The following SGCZ variants were observed in gnomAD, a reference collection of about 807,000 sequenced individuals.
The protein encoded by SGCZ is zeta-sarcoglycan.
SGCZ carries 40 observed loss-of-function variants against 41.3 expected under a neutral mutation model. The ratio of observed to expected loss-of-function variants is 0.97; its 90% CI spans 0.75 to 1.26. The LOEUF is 1.26. Among genes scored for constraint, SGCZ ranks in the 50% most tolerant of loss-of-function variants. The pLI is 0.00. For missense variants in SGCZ, 552 were observed against 369.8 expected, an observed-to-expected ratio of 1.49 and a Z score of -4.04; for synonymous variants, 206 against 137.5, an observed-to-expected ratio of 1.50 and a Z score of -3.49.
intron 1 of SGCZ, among the ~76,000 whole-genome samples, chr8:14,557,878 G>A (rs547640708): frequency 1.3e-5 from 2 of 152,206 alleles, no homozygotes; most frequent in African/African-American, 4.8e-5. Context: ...GAAACACAAA[G>A]CTGGTTCTTT....
intron 3 of SGCZ, chr8:14,308,916 T>C (rs1035668430): frequency 2.1e-6 from 1 of 486,542 alleles, no homozygotes; most frequent in African/African-American, 1.9e-5. Flanking sequence ...TTTTCTTAAT[T>C]TGAAATCCAG....
At chr8:14,130,225 AAC>A (rs975142000) in intron 5 of SGCZ, among the ~76,000 whole-genome samples, 1 of 152,254 alleles carries the variant, frequency 6.6e-6, no homozygotes, top group East Asian at 1.9e-4. Flanking sequence ...CATGTATATA[AAC>A]ACACACACGC....
intron 1 of SGCZ, among the ~76,000 whole-genome samples, chr8:14,848,833 G>C (rs1380047673): frequency 6.6e-6 from 1 of 151,996 alleles, no homozygotes; most frequent in Admixed American, 6.6e-5. Context: ...AAGGACAAAA[G>C]GATAAAATGG....
intron 1 of SGCZ, among the ~76,000 whole-genome samples, chr8:15,132,913 G>A (rs540219381): frequency 1.3e-5 from 2 of 152,264 alleles, no homozygotes; most frequent in Non-Finnish European, 2.9e-5. Flanking sequence ...ATCCAAGGTG[G>A]GTGGACTGCA....
chr8:15,053,524 G>C (rs1804595388), intron 1 of SGCZ, among the ~76,000 whole-genome samples: 2 of 152,070 alleles, frequency 1.3e-5, no homozygotes, highest in Non-Finnish European at 1.5e-5. Flanking sequence ...TTTTAGAACT[G>C]AGAACCACAA....
At chr8:14,699,635 G>A (rs1328364553) in intron 1 of SGCZ, among the ~76,000 whole-genome samples, 2 of 151,768 alleles carry the variant, frequency 1.3e-5, no homozygotes, top group East Asian at 1.9e-4. Flanking sequence ...TTAGACTAAA[G>A]AGCTTCTGCA....
chr8:14,980,695 AC>A (rs1191761516), intron 1 of SGCZ, among the ~76,000 whole-genome samples: 2 of 152,122 alleles, frequency 1.3e-5, no homozygotes, highest in East Asian at 1.9e-4. Context: ...CTTATTCACC[AC>A]CATGAGAACA....
intron 3 of SGCZ, among the ~76,000 whole-genome samples, chr8:14,245,768 C>T (rs1799064830): frequency 6.6e-6 from 1 of 152,104 alleles, no homozygotes; most frequent in Non-Finnish European, 1.5e-5. Context: ...CAAACAACCC[C>T]ATCAAAAAGT....
chr8:14,215,700 C>G (rs1364141195), intron 4 of SGCZ, among the ~76,000 whole-genome samples: 2 of 151,996 alleles, frequency 1.3e-5, no homozygotes, highest in African/African-American at 4.8e-5. Context: ...AATAAGATAT[C>G]ATAAATAAGT....
chr8:14,233,829 A>C (rs546472237), intron 4 of SGCZ, among the ~76,000 whole-genome samples: 1 of 151,866 alleles, frequency 6.6e-6, no homozygotes, highest in Non-Finnish European at 1.5e-5. Flanking sequence ...TTAAATAGAA[A>C]ATTTTGACCT....
In SGCZ at chr8:14,342,868, C is replaced by T. The variant is rs544067982; in HGVS notation, c.235-18664G>A. Among the ~76,000 whole-genome samples the T allele has an allele frequency of 1.4e-4, 21 of 152,334 alleles. No individual in the cohort carries two copies. In the East Asian group the frequency reaches 4.1e-3, roughly 29 times the overall value. On this transcript the variant is annotated intron_variant, in intron 2 of 7. Transcript: ENST00000382080. The stretch of plus-strand genomic sequence containing the variant: ...ATCTCCAGGCCATGACAGCGACCTT[C>T]ACCGAAGGCCCTCTCTTCACAGGCC...
intron 1 of SGCZ, among the ~76,000 whole-genome samples, chr8:14,856,052 C>T (rs1477807432): frequency 6.6e-6 from 1 of 152,036 alleles, no homozygotes; most frequent in Non-Finnish European, 1.5e-5. Context: ...CGTTTATAAC[C>T]CTATGACTAA....
At chr8:14,969,721 C>A (rs1363758092) in intron 1 of SGCZ, among the ~76,000 whole-genome samples, 1 of 151,904 alleles carries the variant, frequency 6.6e-6, no homozygotes, top group Admixed American at 6.6e-5. Context: ...GTTAATTGTT[C>A]ACTCTTTTCT....
At chr8:15,064,994 C>G (rs954461894) in intron 1 of SGCZ, among the ~76,000 whole-genome samples, 1 of 152,114 alleles carries the variant, frequency 6.6e-6, no homozygotes, top group East Asian at 1.9e-4. Context: ...CATCCCAAGT[C>G]TCCAGGCTTC....
intron 1 of SGCZ, among the ~76,000 whole-genome samples, chr8:14,884,197 A>C (rs1804701559): frequency 6.6e-6 from 1 of 152,114 alleles, no homozygotes; most frequent in Non-Finnish European, 1.5e-5. Context: ...TCTAAATATA[A>C]GTGTCTTGTT....
At chr8:15,128,125 A>T (rs1807770509) in intron 1 of SGCZ, among the ~76,000 whole-genome samples, 1 of 152,080 alleles carries the variant, frequency 6.6e-6, no homozygotes, top group South Asian at 2.1e-4. Flanking sequence ...TTTTTTTCAC[A>T]TCCCCTCATT....
chr8:14,805,474 A>G (rs1195785362), intron 1 of SGCZ, among the ~76,000 whole-genome samples: 1 of 130,960 alleles, frequency 7.6e-6, no homozygotes, highest in Non-Finnish European at 1.7e-5. Flanking sequence ...AGATCAAAAG[A>G]GACAAAGAAG....
At chr8:14,709,064 G>C (rs1172906052) in intron 1 of SGCZ, among the ~76,000 whole-genome samples, 1 of 152,084 alleles carries the variant, frequency 6.6e-6, no homozygotes, top group Non-Finnish European at 1.5e-5. Context: ...CGAAATTATG[G>C]TTAACAGTGA....
intron 1 of SGCZ, among the ~76,000 whole-genome samples, chr8:14,697,893 C>G (rs1311183639): frequency 6.6e-6 from 1 of 151,898 alleles, no homozygotes; most frequent in Non-Finnish European, 1.5e-5. Flanking sequence ...TTCTGTTTCC[C>G]TCTATTGTCA....
Sources: gnomAD v4.1 joint callset for allele counts (sites outside exome capture counted in the v4.1 genomes callset) on GRCh38, gnomAD v4.1.1 for gene constraint, MANE v1.5 for transcripts, NCBI Gene and HGNC (gene_info 2026-07-23, HGNC 2026-07-21) for gene names.